The following SAT2 variants were observed in gnomAD, a reference collection of about 807,000 sequenced individuals.
SAT2 encodes the protein spermidine/spermine N1-acetyltransferase family member 2.
A neutral mutation model predicts 24.8 loss-of-function variants in SAT2; 19 were observed. The ratio of observed to expected loss-of-function variants is 0.77; its 90% CI spans 0.53 to 1.12. The LOEUF (loss-of-function observed/expected upper bound fraction) is 1.12, where lower values mean the gene tolerates loss of function less well. SAT2 is among the 50% of genes most tolerant of loss of function. The pLI, the probability that SAT2 is intolerant of heterozygous loss-of-function variation, is 0.00. For synonymous variants in SAT2, 77 were observed against 77.4 expected (o/e 0.99, Z 0.03); for missense variants, 190 against 210.7 (o/e 0.90, Z 0.61).
At position 7,627,273 on chromosome 17, in the gene SAT2, G is replaced by C; in HGVS notation, c.119-47C>G. On this transcript the variant is annotated intron_variant, in intron 2 of 5. Coordinates refer to ENST00000269298, the MANE Select transcript of SAT2 (RefSeq NM_133491.5). The surrounding 1 kb of genome is among the most constrained non-coding windows in gnomAD (Gnocchi z 4.8). ...CAAAGAGATAGAGAAAGAGGACGTG[G>C]GTGTATGCCCAGCCTGGAGCTGTCG... 1 of 1,612,066 alleles carries C rather than the reference G, an allele frequency of 6.2e-7. No individual in the cohort carries two copies. Among genetic ancestry groups the C allele is most frequent in the African/African-American group, 1.3e-5 (1 of 74,996 alleles).
In SAT2 at chr17:7,627,541, C is replaced by G; in HGVS notation, c.66+29G>C. On this transcript the variant is annotated intron_variant, in intron 1 of 5. Transcript: ENST00000269298. The surrounding 1 kb of genome is among the most constrained non-coding windows in gnomAD (Gnocchi z 4.8). ...CCCCGCTCTGGCCGCGCCACTCTGA[C>G]CCCCGGGTTACCGGCCTGCAGTCTT... 3 of 1,600,788 alleles carry G rather than the reference C, an allele frequency of 1.9e-6. No homozygotes were observed. Among genetic ancestry groups the G allele is most frequent in the Non-Finnish European group, 2.6e-6 (3 of 1,170,012 alleles).
At position 7,627,411 on chromosome 17, in the gene SAT2, G is replaced by C. The variant is rs1301810177; in HGVS notation, c.70C>G (p.Leu24Val). The change falls in exon 2 of 6, where the codon CTA becomes GTA. Residue 24 changes from leucine (L) to valine (V), a missense_variant. Transcript: ENST00000269298. The surrounding 1 kb of genome is among the most constrained non-coding windows in gnomAD (Gnocchi z 4.8). Reference sequence around the variant, plus strand: ...TCCGAGAGTTTTTCGAATTCGGCTAGCTCCTAAGGCGTGGGTACGGAAGCT... The same window carrying C: ...TCCGAGAGTTTTTCGAATTCGGCTACCTCCTAAGGCGTGGGTACGGAAGCT... ...CGDILRLIRE[L>V]AEFEKLSDQV... 1 of 1,614,066 alleles carries C rather than the reference G, an allele frequency of 6.2e-7. No individual in the cohort carries two copies. The highest frequency in any genetic ancestry group is 1.7e-5 in the Admixed American group (1 of 59,996).
rs2072257729 is a variant in SAT2, at chr17:7,627,594, A to T, written c.42T>A (p.Cys14Ter). 1.9e-6 allele frequency: 3 copies of T among 1,612,208 alleles called. No individual in the cohort carries two copies. Among genetic ancestry groups the T allele is most frequent in the Non-Finnish European group, 2.5e-6 (3 of 1,179,190 alleles). ...CCCGAATCAGCCTCAGGATATCTCC[A>T]CAGTCTCCCTCCTTGGCCTCTCGGA... ...VRIREAKEGD[C>*]GDILRLIREL... The change falls in exon 1 of 6, where the codon TGT becomes TGA. Residue 14 changes from cysteine (C) to a stop codon, truncating the protein, a stop_gained. Coordinates refer to ENST00000269298, the MANE Select transcript of SAT2 (RefSeq NM_133491.5). LOFTEE classifies it high-confidence loss of function. This position sits in a 1 kb window ranked among gnomAD's most constrained non-coding sequence, Gnocchi z 4.8.
chr17:7,626,350 A>G lies in SAT2; in HGVS notation c.*97T>C. ...ACCCCTAACCCTCCTTCCTCCAGGG[A>G]GGCCTCAGCATCAGTGTCTGTGGAC... On this transcript the variant is annotated 3_prime_UTR_variant, in exon 6 of 6. Coordinates refer to ENST00000269298, the MANE Select transcript of SAT2 (RefSeq NM_133491.5). 1.5e-6 allele frequency: 2 copies of G among 1,358,600 alleles called. No individual in the cohort carries two copies. Among genetic ancestry groups the G allele is most frequent in the Non-Finnish European group, 2.0e-6 (2 of 978,442 alleles). 84.2% of individuals were successfully genotyped at this position (1,358,600 alleles called of 1,614,324 possible). A position where few individuals can be genotyped will look rare whatever the true frequency, so the allele number is the denominator to read the frequency against.
rs1284203344 is a variant in SAT2 at position 7,626,492 on chromosome 17, G to T, written c.468C>A (p.Phe156Leu). 1 of 1,614,030 alleles carries T rather than the reference G, an allele frequency of 6.2e-7. No homozygotes were observed. Among genetic ancestry groups the T allele is most frequent in the East Asian group, 2.2e-5 (1 of 44,884 alleles). ...QDLTEAEGWH[F>L]FCFQGEATRK... Reference sequence around the variant, plus strand: ...TCGTTGCCTCTCCTTGAAAGCAGAAGAAGTGCCAGCCCTCAGCTTCCGTCA... The same window carrying T: ...TCGTTGCCTCTCCTTGAAAGCAGAATAAGTGCCAGCCCTCAGCTTCCGTCA... The change falls in exon 6 of 6, where the codon TTC (phenylalanine) becomes TTA (leucine). Residue 156 changes from phenylalanine (F) to leucine (L), a missense_variant. Coordinates refer to ENST00000269298, the MANE Select transcript of SAT2 (RefSeq NM_133491.5).
rs1157859704 is a variant in SAT2, at chr17:7,627,662, G to C, written c.-27C>G. 2 of 1,613,832 alleles carry C rather than the reference G, an allele frequency of 1.2e-6. No individual in the cohort carries two copies. Among genetic ancestry groups the C allele is most frequent in the Non-Finnish European group, 1.7e-6 (2 of 1,179,950 alleles). On this transcript the variant is annotated 5_prime_UTR_variant, in exon 1 of 6. Coordinates refer to ENST00000269298, the MANE Select transcript of SAT2 (RefSeq NM_133491.5). This position sits in a 1 kb window ranked among gnomAD's most constrained non-coding sequence, Gnocchi z 4.8. ...CGGATCCCCGCTGTCTGGGACCAAA[G>C]TCCCAGGGCCTCGCAAACGGCAACT...
intron 5 of SAT2, 29 bp downstream of exon 5, chr17:7,626,724 C>G: frequency 1.2e-6 from 2 of 1,614,060 alleles, no homozygotes; most frequent in South Asian, 2.2e-5. Flanking sequence ...TCTTCAGGTC[C>G]TCACTTGTCG....
chr17:7,627,845 T>G (rs1446827775), upstream of SAT2: 1 of 657,728 alleles, frequency 1.5e-6, no homozygotes, highest in Non-Finnish European at 2.8e-6. This position sits in a 1 kb window ranked among gnomAD's most constrained non-coding sequence, Gnocchi z 4.8. Flanking sequence ...GGCGATCCTC[T>G]GTCCGGGCAT....
At chr17:7,626,724 C>T in intron 5 of SAT2, 29 bp downstream of exon 5, 2 of 1,614,058 alleles carry the variant, frequency 1.2e-6, no homozygotes, top group Non-Finnish European at 8.5e-7. Flanking sequence ...TCTTCAGGTC[C>T]TCACTTGTCG....
chr17:7,627,218 C>A lies in SAT2; in HGVS notation c.127G>T (p.Ala43Ser), dbSNP rs1275813496. Residue 43 changes from alanine to serine, a missense_variant, in exon 3 of 6, where the codon GCA (alanine) becomes TCA (serine). Ala to Ser is a moderately conservative substitution (Grantham distance 99). Coordinates refer to ENST00000269298, the MANE Select transcript of SAT2 (RefSeq NM_133491.5). The surrounding 1 kb of genome is among the most constrained non-coding windows in gnomAD (Gnocchi z 4.8). ...QVKISEEALRADGFGDNPFYH... is the reference protein window; with the variant it reads ...QVKISEEALRSDGFGDNPFYH... ...AAAGGATTGTCTCCAAAGCCATCTGCTCTCAGGGCTGCCGAGATTGGAGTT... is the reference window on the plus strand; with the variant it reads ...AAAGGATTGTCTCCAAAGCCATCTGATCTCAGGGCTGCCGAGATTGGAGTT... 6.2e-7 allele frequency: 1 copy of A among 1,614,108 alleles called. No homozygotes were observed. Among genetic ancestry groups the A allele is most frequent in the Non-Finnish European group, 8.5e-7 (1 of 1,180,012 alleles).
At position 7,627,751 on chromosome 17, in the gene SAT2, T is replaced by A; in HGVS notation, c.-116A>T. 1 of 1,113,064 alleles carries A rather than the reference T, an allele frequency of 9.0e-7. No individual in the cohort carries two copies. The allele number at this position is 1,113,064 out of a possible 1,614,324, so 68.9% of individuals were successfully genotyped here. ...GCCTGAGAGAGCGGGGTGGCGGGAG[T>A]CGGGGGGGACGGCGGGGTAGCCGCG... On this transcript the variant is annotated 5_prime_UTR_variant, in exon 1 of 6. Coordinates refer to ENST00000269298, the MANE Select transcript of SAT2 (RefSeq NM_133491.5). This position sits in a 1 kb window ranked among gnomAD's most constrained non-coding sequence, Gnocchi z 4.8.
chr17:7,626,242 T>C lies in SAT2; in HGVS notation c.*205A>G. ...AAAGACCCAACACCACATCAGGACA[T>C]GTAATTCTTATTTATTTTTCACCCT... On this transcript the variant is annotated 3_prime_UTR_variant, in exon 6 of 6. Coordinates refer to ENST00000269298, the MANE Select transcript of SAT2 (RefSeq NM_133491.5). 1.9e-6 allele frequency: 1 copy of C among 530,292 alleles called. No individual in the cohort carries two copies. The highest frequency in any genetic ancestry group is 2.4e-5 in the South Asian group (1 of 41,566). 32.8% of individuals were successfully genotyped at this position (530,292 alleles called of 1,614,324 possible).
Position 7,627,104 on chromosome 17 carries a change from G to A in SAT2, c.202+39C>T, listed in dbSNP as rs756190317. 2.5e-6 allele frequency: 4 copies of A among 1,613,124 alleles called. No individual in the cohort carries two copies. The highest frequency in any genetic ancestry group is 1.1e-5 in the South Asian group (1 of 91,064). ...AGCCTGTGGGGAGACCTCTGAGGCC[G>A]GCTGGAGAGGTGGACTTCTAAGGGC... On this transcript the variant is annotated intron_variant, in intron 3 of 5. Coordinates refer to ENST00000269298, the MANE Select transcript of SAT2 (RefSeq NM_133491.5). This position sits in a 1 kb window ranked among gnomAD's most constrained non-coding sequence, Gnocchi z 4.8.
chr17:7,626,645 G>T, intron 5 of SAT2, 31 bp from the exon 6 acceptor site: 1 of 1,610,610 alleles, frequency 6.2e-7, no homozygotes, highest in Non-Finnish European at 8.5e-7. Flanking sequence ...AACTTTTCTG[G>T]GGTCAAAAAA....
At position 7,626,410 on chromosome 17, in the gene SAT2, G is replaced by T. The variant is rs757747832; in HGVS notation, c.*37C>A. On this transcript the variant is annotated 3_prime_UTR_variant, in exon 6 of 6. Coordinates refer to ENST00000269298, the MANE Select transcript of SAT2 (RefSeq NM_133491.5). ...GAAGAGTGCTTCAGCTGATGGGGAA[G>T]GAGAAACTCAAGACAGAGATCCTCC... is the stretch of plus-strand genomic sequence containing the variant. 1 of 1,609,440 alleles carries T rather than the reference G, an allele frequency of 6.2e-7. No individual in the cohort carries two copies. The highest frequency in any genetic ancestry group is 1.1e-5 in the South Asian group (1 of 90,618).
In SAT2 at chr17:7,627,388, CGA is replaced by C. The variant is rs751412162; in HGVS notation, c.91_92del (p.Ser31GlyfsTer7). ...CTTCTTCACTGATCTTCACCTGATC[CGA>C]GAGTTTTTCGAATTCGGCTAGCTCC... is the stretch of plus-strand genomic sequence containing the variant. ...IRELAEFEKLSDQVKISEEAL... is the reference protein window; with the variant it reads ...IRELAEFEKLXDQVKISEEAL... On this transcript the variant is annotated frameshift_variant, in exon 2 of 6. Transcript: ENST00000269298. LOFTEE classifies it high-confidence loss of function. The surrounding 1 kb of genome is among the most constrained non-coding windows in gnomAD (Gnocchi z 4.8). 1.5e-5 allele frequency: 24 copies of C among 1,614,092 alleles called. No homozygotes were observed. Among genetic ancestry groups the C allele is most frequent in the Middle Eastern group, 1.6e-4 (1 of 6,062 alleles).
Position 7,626,426 on chromosome 17 carries a change from G to A in SAT2, c.*21C>T, listed in dbSNP as rs758016321. 3.1e-6 allele frequency: 5 copies of A among 1,612,950 alleles called. No individual in the cohort carries two copies. In the Admixed American group the frequency reaches 8.4e-5, roughly 27 times the overall value. ...GATGGGGAAGGAGAAACTCAAGACA[G>A]AGATCCTCCTAGGGATGGCGTCACT... On this transcript the variant is annotated 3_prime_UTR_variant, in exon 6 of 6. Transcript: ENST00000269298.
At position 7,627,140 on chromosome 17, in the gene SAT2, T is replaced by TA. The variant is rs1263714295; in HGVS notation, c.202+2dup. ...TGGACTTCTAAGGGCCAGGTGCTCT[T>TA]ACCCAGTAGCTTCCCGGGCGCTGGA... On this transcript the variant is annotated splice_region_variant and intron_variant, in intron 3 of 5. Transcript: ENST00000269298. The surrounding 1 kb of genome is among the most constrained non-coding windows in gnomAD (Gnocchi z 4.8). 6.2e-7 allele frequency: 1 copy of TA among 1,613,960 alleles called. No homozygotes were observed. The highest frequency in any genetic ancestry group is 2.2e-5 in the East Asian group (1 of 44,896).
At position 7,626,784 on chromosome 17, in the gene SAT2, A is replaced by G; in HGVS notation, c.314T>C (p.Ile105Thr). Residue 105 changes from isoleucine to threonine, a missense_variant, in exon 5 of 6, where the codon ATT (isoleucine) becomes ACT (threonine). Transcript: ENST00000269298. ...CACCTTTTTGATTATTTTGGAACCA[A>G]TCCCTTGACCTGTTGTGGAGAGAAA... ...YVMPEYRGQG[I>T]GSKIIKKVAE... The G allele has an allele frequency of 6.2e-7, 1 of 1,613,990 alleles. No homozygotes were observed. Among genetic ancestry groups the G allele is most frequent in the Non-Finnish European group, 8.5e-7 (1 of 1,180,016 alleles).
Sources: allele counts gnomAD v4.1 joint callset, GRCh38; gene constraint gnomAD v4.1.1; non-coding constraint Gnocchi (gnomAD v3.1); transcripts MANE v1.5; gene names NCBI Gene and HGNC (gene_info 2026-07-23, HGNC 2026-07-21).